The following C16orf89 variants were observed in gnomAD, a reference collection of about 807,000 sequenced individuals.
C16orf89 encodes UPF0764 protein C16orf89.
C16orf89 carries 57 observed loss-of-function variants against 41.5 expected under a neutral mutation model. The observed-to-expected ratio is 1.38, with a 90% CI of 1.11 to 1.71. The LOEUF (loss-of-function observed/expected upper bound fraction) is 1.71. Ranked by LOEUF, C16orf89 falls within the 40% of genes most tolerant of loss-of-function variation. The pLI is 0.00. For synonymous variants in C16orf89, 223 were observed against 190.6 expected (o/e 1.17, Z -1.40); for missense variants, 575 against 445.9 (o/e 1.29, Z -2.61).
chr16:5,064,635 C>A (rs998213674), intron 1 of C16orf89, among the ~76,000 whole-genome samples: 1 of 152,228 alleles, frequency 6.6e-6, no homozygotes, highest in Non-Finnish European at 1.5e-5. Context: ...CCTTTGCTCC[C>A]TTCTGGGCAC....
At chr16:5,044,592 C>T (rs1956260122) in intron 7 of C16orf89, 114 bp from the exon 8 acceptor site, 1 of 1,529,880 alleles carries the variant, frequency 6.5e-7, no homozygotes, top group Non-Finnish European at 8.8e-7. Flanking sequence ...CCTATAATCC[C>T]ACACTTTGGG....
intron 1 of C16orf89, 127 bp downstream of exon 1, chr16:5,065,574 C>G (rs1383348955): frequency 8.6e-7 from 1 of 1,162,886 alleles, no homozygotes; most frequent in African/African-American, 1.6e-5. Flanking sequence ...CTCCTCTCTC[C>G]TTATAGCCGA....
intron 5 of C16orf89, 152 bp from the exon 6 acceptor site, chr16:5,055,502 G>T: frequency 1.0e-6 from 1 of 955,988 alleles, no homozygotes; most frequent in South Asian, 1.7e-5. Flanking sequence ...GAGGCAGCTT[G>T]AGCCTTTGCC....
chr16:5,060,454 T>C lies in C16orf89; in HGVS notation c.359-18A>G, dbSNP rs1956594222. ...CTGGAACTCTGGCAGAGAGGACAGA[T>C]AGATGGGGTGGGGTGTGGGGGTGAC... On this transcript the variant is annotated intron_variant, in intron 2 of 7. Transcript: ENST00000472572. 2 of 1,606,866 alleles carry C rather than the reference T, an allele frequency of 1.2e-6. No individual in the cohort carries two copies. The highest frequency in any genetic ancestry group is 1.7e-6 in the Non-Finnish European group (2 of 1,176,180).
At chr16:5,048,300 A>T (rs1956338132) in intron 6 of C16orf89, among the ~76,000 whole-genome samples, 1 of 152,116 alleles carries the variant, frequency 6.6e-6, no homozygotes, top group Admixed American at 6.6e-5. Flanking sequence ...CTCCCAAAGT[A>T]CTGGATTATA....
intron 6 of C16orf89, 37 bp downstream of exon 6, chr16:5,055,203 CCCCACT>C (rs1186581697): frequency 6.7e-7 from 1 of 1,499,206 alleles, no homozygotes; most frequent in African/African-American, 1.4e-5. Flanking sequence ...CCACCCCCAC[CCCCACT>C]GCCCCCCTTC....
intron 6 of C16orf89, among the ~76,000 whole-genome samples, chr16:5,051,127 C>T (rs935926710): frequency 6.6e-6 from 1 of 152,168 alleles, no homozygotes; most frequent in African/African-American, 2.4e-5. Flanking sequence ...AAAGCTTTTC[C>T]TGTAAGAACT....
chr16:5,051,694 A>T (rs1171224121), intron 6 of C16orf89, among the ~76,000 whole-genome samples: 1 of 152,204 alleles, frequency 6.6e-6, no homozygotes, highest in East Asian at 1.9e-4. Context: ...AAAAAATCCT[A>T]AAATTTGTAT....
At chr16:5,050,815 A>C (rs764052428) in intron 6 of C16orf89, among the ~76,000 whole-genome samples, 3 of 152,244 alleles carry the variant, frequency 2.0e-5, no homozygotes, top group Non-Finnish European at 4.4e-5. Flanking sequence ...ACTTCCAGTA[A>C]GTAATGAATG....
At chr16:5,056,755 C>G (rs549103946) in intron 4 of C16orf89, among the ~76,000 whole-genome samples, 1 of 152,222 alleles carries the variant, frequency 6.6e-6, no homozygotes, top group East Asian at 1.9e-4. Context: ...ATCTAATGAT[C>G]AAAATAATTC....
chr16:5,049,991 A>G (rs565641731), intron 6 of C16orf89, among the ~76,000 whole-genome samples: 1 of 152,198 alleles, frequency 6.6e-6, no homozygotes, highest in South Asian at 2.1e-4. Context: ...AAATGAAATC[A>G]GAAAGAAAAA....
At chr16:5,052,477 G>C (rs1471944053) in intron 6 of C16orf89, among the ~76,000 whole-genome samples, 1 of 152,132 alleles carries the variant, frequency 6.6e-6, no homozygotes, top group Non-Finnish European at 1.5e-5. Flanking sequence ...TGTAGTCTCA[G>C]CTACTCAGGA....
At position 5,065,857 on chromosome 16, in the gene C16orf89, G is replaced by T; in HGVS notation, c.52C>A (p.Leu18Met). The change falls in exon 1 of 8, where the codon CTG (leucine) becomes ATG (methionine). Residue 18 changes from leucine (L) to methionine (M), a missense_variant. Leu to Met is a conservative substitution (Grantham distance 15). Transcript: ENST00000472572. Reference sequence around the variant, plus strand: ...AGCCCAGGCAGTGAGGAGGACCACAGCGGTGGCAGTGCTGTCAGTAAGAGC... The same window carrying T: ...AGCCCAGGCAGTGAGGAGGACCACATCGGTGGCAGTGCTGTCAGTAAGAGC... ...LLLLLTALPP[L>M]WSSSLPGLDT... 1 of 1,614,264 alleles carries T rather than the reference G, an allele frequency of 6.2e-7. No homozygotes were observed. The highest frequency in any genetic ancestry group is 2.2e-5 in the East Asian group (1 of 44,894).
intron 2 of C16orf89, among the ~76,000 whole-genome samples, chr16:5,061,432 C>CA (rs59903296): frequency 0.082 from 2,054 of 25,016 alleles, 271 homozygotes; most frequent in Non-Finnish European, 0.087. Flanking sequence ...GACTCTGTCT[C>CA]AAAAAAAAAA....
chr16:5,054,886 G>A (rs564342550), intron 6 of C16orf89, among the ~76,000 whole-genome samples: 95 of 152,092 alleles, frequency 6.2e-4, no homozygotes, highest in Non-Finnish European at 1.0e-3. Context: ...ATGATTGTGA[G>A]GCCTCCCCAG....
chr16:5,054,422 A>G (rs563504267), intron 6 of C16orf89, among the ~76,000 whole-genome samples: 15 of 152,256 alleles, frequency 9.9e-5, no homozygotes, highest in African/African-American at 3.4e-4. Flanking sequence ...AGTTGTTCCC[A>G]GTCACCCACC....
In C16orf89 at chr16:5,044,340, C is replaced by T. The variant is rs769081751; in HGVS notation, c.*8G>A. The T allele has an allele frequency of 4.3e-5, 68 of 1,593,980 alleles. No individual in the cohort carries two copies. Among genetic ancestry groups the T allele is most frequent in the African/African-American group, 8.1e-5 (6 of 74,244 alleles). ...CTCCTCCAGGCAGCTGGCATGGAAC[C>T]GTCCGTCTCAGCGGCTGCTTGGTGG... On this transcript the variant is annotated 3_prime_UTR_variant, in exon 8 of 8. Transcript: ENST00000472572.
At chr16:5,056,276 G>A in intron 4 of C16orf89, 88 bp from the exon 5 acceptor site, 1 of 1,337,558 alleles carries the variant, frequency 7.5e-7, no homozygotes, top group Non-Finnish European at 1.0e-6. Flanking sequence ...GCAGTTCTGA[G>A]ACGGTCTTGC....
At position 5,056,094 on chromosome 16, in the gene C16orf89, A is replaced by G. The variant is rs1203988597; in HGVS notation, c.722T>C (p.Ile241Thr). Residue 241 changes from isoleucine to threonine, a missense_variant, in exon 5 of 8, where the codon ATC becomes ACC. Transcript: ENST00000472572. ...GTCCCGGGTAGGGTAGGCGTATCCG[A>G]TGGCCTCAGCTCTGCGGTTCAAGTC... ...MMDLNRRAEAIGYAYPTRDIF... is the reference protein window; with the variant it reads ...MMDLNRRAEATGYAYPTRDIF... 5.6e-6 allele frequency: 9 copies of G among 1,599,392 alleles called. No individual in the cohort carries two copies. Among genetic ancestry groups the G allele is most frequent in the Non-Finnish European group, 7.7e-6 (9 of 1,167,744 alleles).
Sources: allele counts gnomAD v4.1 joint callset (sites outside exome capture counted in the v4.1 genomes callset), GRCh38; gene constraint gnomAD v4.1.1; transcripts MANE v1.5; gene names NCBI Gene and HGNC (gene_info 2026-07-23, HGNC 2026-07-21).